C10orf53: variants seen among roughly 807,000 people sequenced by gnomAD.
C10orf53 encodes UPF0728 protein C10orf53.
Under a neutral mutation model 9.4 loss-of-function variants are expected in C10orf53, and 8 were observed. The observed-to-expected ratio is 0.85, with a 90% CI of 0.50 to 1.53. C10orf53 has a LOEUF of 1.53. Ranked by LOEUF, C10orf53 falls within the 40% of genes most tolerant of loss-of-function variation. The probability of loss-of-function intolerance (pLI) is 0.00; values close to 1 mark genes in which losing one functional copy is unlikely to be tolerated. For synonymous variants in C10orf53, 48 were observed against 46.0 expected (o/e 1.04, Z -0.18); for missense variants, 117 against 117.8 (o/e 0.99, Z 0.03).
At chr10:49,700,541 C>T (rs749928462), downstream of C10orf53, among the ~76,000 whole-genome samples, 12 of 152,116 alleles carry the variant, frequency 7.9e-5, no homozygotes, top group South Asian at 4.1e-4. Context: ...TCCGGGTTGG[C>T]GGTTGTGAGA....
At chr10:49,681,405 A>G (rs1840477983) in intron 1 of C10orf53, among the ~76,000 whole-genome samples, 1 of 152,212 alleles carries the variant, frequency 6.6e-6, no homozygotes, top group South Asian at 2.1e-4. Context: ...TTAGCTGAGC[A>G]ATCAGGGAAA....
chr10:49,692,366 A>G (rs913512809), intron 1 of C10orf53, among the ~76,000 whole-genome samples: 1 of 152,266 alleles, frequency 6.6e-6, no homozygotes, highest in African/African-American at 2.4e-5. Context: ...GTTCCTTTCC[A>G]GAAGTGAAAT....
chr10:49,709,431 T>C (rs1840746438), exon 3 of C10orf53: 1 of 152,234 alleles, frequency 6.6e-6, no homozygotes, highest in African/African-American at 2.4e-5. Flanking sequence ...GGCCTGGTTT[T>C]GTGGTATGAC....
At chr10:49,694,417 T>A in intron 2 of C10orf53, 121 bp from the exon 3 acceptor site, 1 of 1,343,414 alleles carries the variant, frequency 7.4e-7, no homozygotes, top group African/African-American at 1.5e-5. Context: ...AAAAACTAGT[T>A]AACATTTTAC....
chr10:49,699,367 T>C (rs766412090), downstream of C10orf53, among the ~76,000 whole-genome samples: 5 of 151,532 alleles, frequency 3.3e-5, no homozygotes, highest in African/African-American at 7.3e-5. Flanking sequence ...ATACTTTTTC[T>C]TATTTTTTGG....
exon 3 of C10orf53, chr10:49,708,577 T>C (rs749794197): frequency 1.9e-6 from 3 of 1,614,160 alleles, no homozygotes; most frequent in South Asian, 2.2e-5. Context: ...GATCACATGC[T>C]CATTTCTGGA....
intron 2 of C10orf53, among the ~76,000 whole-genome samples, chr10:49,707,271 A>G (rs778539772): frequency 4.6e-5 from 7 of 152,214 alleles, no homozygotes; most frequent in Non-Finnish European, 8.8e-5. Flanking sequence ...GCTCACTCAC[A>G]TAGGAGAGAA....
In C10orf53 at chr10:49,682,708, C is replaced by T. The variant is rs139882227; in HGVS notation, c.97+2914C>T. 5.6e-4 allele frequency among the ~76,000 whole-genome samples: 85 copies of T among 152,218 alleles called. No individual in the cohort carries two copies. The East Asian group carries it at 0.016, about 28-fold the overall frequency. ...TACAGAGTGCTGATTGGTGCATTTACAATCCTCTAGCTAGACACAGAGTGC... is the reference window on the plus strand; with the variant it reads ...TACAGAGTGCTGATTGGTGCATTTATAATCCTCTAGCTAGACACAGAGTGC... On this transcript the variant is annotated intron_variant, in intron 1 of 2. Coordinates refer to ENST00000374111, the MANE Select transcript of C10orf53 (RefSeq NM_001042427.3).
chr10:49,701,815 G>A (rs1049160672), downstream of C10orf53, among the ~76,000 whole-genome samples: 2 of 152,124 alleles, frequency 1.3e-5, no homozygotes, highest in African/African-American at 2.4e-5. Flanking sequence ...GCCTCTGTGT[G>A]ATGAGCCCAT....
At chr10:49,708,232 A>AATAT in intron 2 of C10orf53, 2 of 1,382,938 alleles carry the variant, frequency 1.4e-6, no homozygotes, top group Non-Finnish European at 1.9e-6. Flanking sequence ...GAATATAGGA[A>AATAT]ATATATTGGT....
Position 49,704,832 on chromosome 10 carries a change from T to C in C10orf53, c.218-3529T>C, listed in dbSNP as rs185520507. Reference sequence around the variant, plus strand: ...GGATGTGGTAAACAGGCACTTGTGCTTGATAGAGGCAGAGTAAGTTGACAA... The same window carrying C: ...GGATGTGGTAAACAGGCACTTGTGCCTGATAGAGGCAGAGTAAGTTGACAA... On this transcript the variant is annotated intron_variant, in intron 2 of 2. Transcript: ENST00000374112. Among the ~76,000 whole-genome samples, 34 of 152,348 alleles carry C rather than the reference T, an allele frequency of 2.2e-4. No individual in the cohort carries two copies. The East Asian group carries it at 6.6e-3, about 29-fold the overall frequency.
chr10:49,694,601 G>A lies in C10orf53; in HGVS notation c.281G>A (p.Ter94=). 1 of 1,614,216 alleles carries A rather than the reference G, an allele frequency of 6.2e-7. No individual in the cohort carries two copies. The highest frequency in any genetic ancestry group is 8.5e-7 in the Non-Finnish European group (1 of 1,180,040). ...AGGATAGCCGTGCTGAATGCCTACT[G>A]ATCTCCTCATGGAACAGGCATCTCA... The part of the protein sequence containing the change: ...KARIAVLNAY[*] Residue 94 remains the stop codon, a stop_retained_variant, in exon 3 of 3, where the codon TGA becomes TAA. Coordinates refer to ENST00000374111, the MANE Select transcript of C10orf53 (RefSeq NM_001042427.3).
chr10:49,709,264 A>C (rs2132895364), exon 3 of C10orf53: 1 of 152,508 alleles, frequency 6.6e-6, no homozygotes, highest in East Asian at 1.9e-4. Flanking sequence ...TGGTAAGAGA[A>C]GGAATGATGT....
chr10:49,682,515 A>C lies in C10orf53; in HGVS notation c.97+2721A>C, dbSNP rs1840488635. ...GATTTATTATGAAGAGTGAAAGAAC[A>C]AATCTCCCAAAGCGTGGAGGGGGAC... On this transcript the variant is annotated intron_variant, in intron 1 of 2. Transcript: ENST00000374111. Among the ~76,000 whole-genome samples the C allele has an allele frequency of 4.6e-5, 7 of 152,124 alleles. No individual in the cohort carries two copies. In the South Asian group the frequency reaches 1.2e-3, roughly 27 times the overall value.
chr10:49,706,222 A>G (rs1840721328), intron 2 of C10orf53, among the ~76,000 whole-genome samples: 1 of 152,258 alleles, frequency 6.6e-6, no homozygotes, highest in Non-Finnish European at 1.5e-5. Context: ...TTGACCCAGC[A>G]ATTCTATTCC....
At position 49,688,101 on chromosome 10, in the gene C10orf53, G is replaced by T. The variant is rs1000718933; in HGVS notation, c.98-5673G>T. 2.0e-5 allele frequency among the ~76,000 whole-genome samples: 3 copies of T among 151,978 alleles called. No homozygotes were observed. The East Asian group carries it at 5.8e-4, about 29-fold the overall frequency. On this transcript the variant is annotated intron_variant, in intron 1 of 2. Coordinates refer to ENST00000374111, the MANE Select transcript of C10orf53 (RefSeq NM_001042427.3). ...TTTATGTCTTTAATCAGGACCTCTCGTAGCCACTGCCATGTTGAGTAGGCA... is the reference window on the plus strand; with the variant it reads ...TTTATGTCTTTAATCAGGACCTCTCTTAGCCACTGCCATGTTGAGTAGGCA...
chr10:49,704,715 C>T (rs1410003431), intron 2 of C10orf53, among the ~76,000 whole-genome samples: 2 of 152,034 alleles, frequency 1.3e-5, no homozygotes, highest in East Asian at 1.9e-4. Flanking sequence ...CTGCACTCCA[C>T]CCTGGGTGGC....
intron 1 of C10orf53, among the ~76,000 whole-genome samples, chr10:49,680,575 T>A (rs746184387): frequency 7.9e-5 from 12 of 152,186 alleles, no homozygotes; most frequent in Non-Finnish European, 1.0e-4. Context: ...GGAGAGGTAA[T>A]CAGGCCAGAT....
intron 2 of C10orf53, 154 bp downstream of exon 2, chr10:49,694,047 C>A: frequency 1.9e-6 from 2 of 1,026,094 alleles, no homozygotes; most frequent in South Asian, 1.6e-5. Context: ...CTTTCAGTGG[C>A]ACACACAGGA....
Sources: allele counts gnomAD v4.1 joint callset (sites outside exome capture counted in the v4.1 genomes callset), GRCh38; gene constraint gnomAD v4.1.1; transcripts MANE v1.5; gene names NCBI Gene and HGNC (gene_info 2026-07-23, HGNC 2026-07-21).